SGCD: variants seen among roughly 807,000 people sequenced by gnomAD.
The protein encoded by SGCD is sarcoglycan delta, also known as delta-sarcoglycan.
A neutral mutation model predicts 36.6 loss-of-function variants in SGCD; 18 were observed. The observed-to-expected ratio is 0.49, with a 90% confidence interval of 0.34 to 0.73. SGCD has a LOEUF of 0.73. SGCD is among the 30% of genes least tolerant of loss of function. The pLI, the probability that SGCD is intolerant of heterozygous loss-of-function variation, is 0.01. For missense variants in SGCD, 387 were observed against 346.7 expected (o/e 1.12, Z -0.92); for synonymous variants, 133 against 130.6 (o/e 1.02, Z -0.12).
intron 3 of SGCD, 140 bp downstream of exon 3, chr5:156,344,817 T>TTTCTG (rs1433776139): frequency 1.6e-6 from 1 of 613,260 alleles, no homozygotes; most frequent in Admixed American, 3.3e-5. Context: ...TGAAAGAGCA[T>TTTCTG]TTCTGTTCAG....
intron 4 of SGCD, among the ~76,000 whole-genome samples, chr5:156,522,912 A>C (rs1289966582): frequency 1.3e-5 from 2 of 152,146 alleles, no homozygotes; most frequent in Non-Finnish European, 2.9e-5. Context: ...ACACTTTTTG[A>C]AACCCTAAGC....
chr5:156,540,663 C>A (rs547339012), intron 4 of SGCD, among the ~76,000 whole-genome samples: 63 of 152,274 alleles, frequency 4.1e-4, no homozygotes, highest in African/African-American at 1.4e-3. Flanking sequence ...GCATAGTTTG[C>A]TGCTTTGTCT....
At chr5:156,085,349 G>A (rs1040436535) in intron 1 of SGCD, among the ~76,000 whole-genome samples, 1 of 152,132 alleles carries the variant, frequency 6.6e-6, no homozygotes, top group South Asian at 2.1e-4. Context: ...GCTAGGTGCT[G>A]TCCTCGTGAT....
chr5:156,153,616 C>G (rs1581133262), intron 3 of SGCD, among the ~76,000 whole-genome samples: 1 of 151,462 alleles, frequency 6.6e-6, no homozygotes, highest in Non-Finnish European at 1.5e-5. Flanking sequence ...AGAAATATAC[C>G]AAAGGGTAAG....
At chr5:156,261,231 A>C (rs1175213393) in intron 3 of SGCD, among the ~76,000 whole-genome samples, 2 of 152,164 alleles carry the variant, frequency 1.3e-5, no homozygotes, top group African/African-American at 4.8e-5. Flanking sequence ...TGGATGTGAA[A>C]ATATTTTTTC....
At chr5:156,668,879 A>G (rs1244143117) in intron 7 of SGCD, among the ~76,000 whole-genome samples, 1 of 152,186 alleles carries the variant, frequency 6.6e-6, no homozygotes, top group Non-Finnish European at 1.5e-5. Context: ...GTCGAAAGCA[A>G]AGGGTCATTG....
intron 4 of SGCD, among the ~76,000 whole-genome samples, chr5:156,580,748 A>G (rs972813015): frequency 6.6e-6 from 1 of 152,152 alleles, no homozygotes; most frequent in Admixed American, 6.5e-5. Context: ...TTTCAGCTCC[A>G]TCAGGTCATT....
intron 4 of SGCD, among the ~76,000 whole-genome samples, chr5:156,582,051 T>C (rs1760284271): frequency 6.6e-6 from 1 of 152,170 alleles, no homozygotes; most frequent in Admixed American, 6.5e-5. Context: ...TCAGCCGTCT[T>C]GGAATGGACC....
the SGCD span, among the ~76,000 whole-genome samples, chr5:155,845,708 T>C: frequency 6.6e-6 from 1 of 152,226 alleles, no homozygotes; most frequent in East Asian, 1.9e-4. Flanking sequence ...GGGAGACTTT[T>C]AGGAAGACAT....
chr5:156,145,121 G>C (rs751145813), intron 3 of SGCD, among the ~76,000 whole-genome samples: 12 of 152,224 alleles, frequency 7.9e-5, no homozygotes, highest in Non-Finnish European at 1.8e-4. Context: ...GGAGGTGATT[G>C]AGTCATGGGG....
intron 1 of SGCD, among the ~76,000 whole-genome samples, chr5:156,075,172 C>A (rs1760734756): frequency 1.3e-5 from 2 of 151,106 alleles, no homozygotes; most frequent in Admixed American, 1.3e-4. Context: ...GCCTAGTGCA[C>A]TTCCATGTAG....
chr5:156,231,151 C>T (rs1283874542), intron 3 of SGCD, among the ~76,000 whole-genome samples: 1 of 152,130 alleles, frequency 6.6e-6, no homozygotes, highest in African/African-American at 2.4e-5. Flanking sequence ...TTCAGAGGTT[C>T]ATAATTAGCC....
At chr5:156,671,911 A>G (rs936707268) in intron 7 of SGCD, among the ~76,000 whole-genome samples, 12 of 152,104 alleles carry the variant, frequency 7.9e-5, no homozygotes, top group Non-Finnish European at 4.4e-5. Flanking sequence ...AATAAGAAAG[A>G]GACACCGGGC....
chr5:156,209,787 C>T (rs954393628), intron 3 of SGCD, among the ~76,000 whole-genome samples: 1 of 152,052 alleles, frequency 6.6e-6, no homozygotes, highest in Non-Finnish European at 1.5e-5. Flanking sequence ...CATTGAAGAC[C>T]CCAGTGCCAG....
At chr5:156,695,664 C>T (rs753966484) in intron 7 of SGCD, among the ~76,000 whole-genome samples, 3 of 152,140 alleles carry the variant, frequency 2.0e-5, no homozygotes, top group Non-Finnish European at 2.9e-5. Context: ...TAAGGCTCTA[C>T]ACCAGAAATT....
At chr5:155,905,848 T>C (rs1237196004) in intron 1 of SGCD, among the ~76,000 whole-genome samples, 1 of 152,174 alleles carries the variant, frequency 6.6e-6, no homozygotes, top group Admixed American at 6.5e-5. Flanking sequence ...CCTGCCATGA[T>C]TCTGAGGCCT....
chr5:155,906,763 C>T (rs894603720), intron 1 of SGCD, among the ~76,000 whole-genome samples: 2 of 150,678 alleles, frequency 1.3e-5, no homozygotes, highest in Admixed American at 6.6e-5. Context: ...ATCTCCATGA[C>T]ATAAAAGTGC....
intron 1 of SGCD, among the ~76,000 whole-genome samples, chr5:156,016,242 AT>A (rs887435753): frequency 3.3e-5 from 5 of 151,956 alleles, no homozygotes; most frequent in Non-Finnish European, 5.9e-5. Flanking sequence ...TTTCATTTCA[AT>A]TTTTTTTCCA....
intron 2 of SGCD, among the ~76,000 whole-genome samples, chr5:156,123,527 G>T (rs545829831): frequency 6.6e-6 from 1 of 152,130 alleles, no homozygotes; most frequent in East Asian, 1.9e-4. Context: ...CTTGACACAC[G>T]GATTGAACTG....
Sources: allele counts gnomAD v4.1 joint callset (sites outside exome capture counted in the v4.1 genomes callset), GRCh38; gene constraint gnomAD v4.1.1; transcripts MANE v1.5; gene names NCBI Gene and HGNC (gene_info 2026-07-23, HGNC 2026-07-21).